ABCD2: variants seen among roughly 807,000 people sequenced by gnomAD.
ABCD2 encodes ATP binding cassette subfamily D member 2.
A neutral mutation model predicts 70.9 loss-of-function variants in ABCD2; 36 were observed. The observed-to-expected ratio is 0.51, with a 90% CI of 0.39 to 0.67. The LOEUF (loss-of-function observed/expected upper bound fraction) is 0.67. Among genes scored for constraint, ABCD2 ranks in the 30% least tolerant of loss-of-function variants. ABCD2 has a pLI of 0.00. For missense variants in ABCD2, 729 were observed against 890.2 expected (o/e 0.82, Z 2.30); for synonymous variants, 304 against 306.9 (o/e 0.99, Z 0.10).
At chr12:39,601,840 C>T in intron 5 of ABCD2, among the ~76,000 whole-genome samples, 1 of 151,994 alleles carries the variant, frequency 6.6e-6, no homozygotes, top group Non-Finnish European at 1.5e-5. Flanking sequence ...TGCCTGTGCT[C>T]TTTCACTAGA....
rs1271906271 is a variant in ABCD2 at position 39,552,183 on chromosome 12, T to G, written c.*1729A>C. On this transcript the variant is annotated 3_prime_UTR_variant, in exon 10 of 10. Coordinates refer to ENST00000308666, the MANE Select transcript of ABCD2 (RefSeq NM_005164.4). ...TATAATTTTATATTGCATTCCTTCA[T>G]GTAAGTTGGTTACATTTATTGAAAA... The G allele has an allele frequency of 6.6e-6, 1 of 151,964 alleles. No individual in the cohort carries two copies. The highest frequency in any genetic ancestry group is 1.5e-5 in the Non-Finnish European group (1 of 67,840). The allele number at this position is 151,964 out of a possible 1,614,324, so 9.4% of individuals were successfully genotyped here. A position where few individuals can be genotyped will look rare whatever the true frequency, so the allele number is the denominator to read the frequency against.
At chr12:39,561,088 T>G (rs961077971) in intron 9 of ABCD2, among the ~76,000 whole-genome samples, 1 of 152,060 alleles carries the variant, frequency 6.6e-6, no homozygotes, top group South Asian at 2.1e-4. Flanking sequence ...TGGATTAAGT[T>G]CTCCAATTAA....
At chr12:39,614,102 A>G (rs1271433435) in intron 2 of ABCD2, among the ~76,000 whole-genome samples, 1 of 152,180 alleles carries the variant, frequency 6.6e-6, no homozygotes, top group Non-Finnish European at 1.5e-5. Flanking sequence ...GCTTGTAACA[A>G]CGCTGCTATC....
intron 6 of ABCD2, among the ~76,000 whole-genome samples, chr12:39,598,436 T>C (rs942620515): frequency 1.3e-5 from 2 of 152,222 alleles, no homozygotes; most frequent in African/African-American, 2.4e-5. Context: ...GTTTTGCTCT[T>C]GTTGCCCGGG....
downstream of ABCD2, among the ~76,000 whole-genome samples, chr12:39,545,272 C>T (rs1004514566): frequency 6.6e-6 from 1 of 152,128 alleles, no homozygotes; most frequent in Admixed American, 6.5e-5. Context: ...TTAGATAGGA[C>T]TCTGTTCCAT....
chr12:39,601,004 A>T (rs1941890058), intron 5 of ABCD2, among the ~76,000 whole-genome samples: 1 of 152,164 alleles, frequency 6.6e-6, no homozygotes, highest in South Asian at 2.1e-4. Context: ...CACATAGAGA[A>T]AAACAGCTGC....
At chr12:39,593,408 A>G (rs1566569171) in intron 6 of ABCD2, among the ~76,000 whole-genome samples, 1 of 152,090 alleles carries the variant, frequency 6.6e-6, no homozygotes, top group Non-Finnish European at 1.5e-5. Flanking sequence ...AAGTACCACC[A>G]TATCCAGCTA....
the ABCD2 span, among the ~76,000 whole-genome samples, chr12:39,541,664 A>C: frequency 4.1e-4 from 62 of 152,250 alleles, no homozygotes; most frequent in Non-Finnish European, 6.5e-4. Flanking sequence ...GCTCAAGAGA[A>C]ATGTGTGCAC....
chr12:39,542,591 T>C, the ABCD2 span, among the ~76,000 whole-genome samples: 6 of 152,146 alleles, frequency 3.9e-5, no homozygotes, highest in East Asian at 1.9e-4. Context: ...ATGGTGAAGA[T>C]GGAGAGAAGA....
At chr12:39,546,078 A>T (rs768152435), downstream of ABCD2, among the ~76,000 whole-genome samples, 32 of 152,168 alleles carry the variant, frequency 2.1e-4, no homozygotes, top group Non-Finnish European at 4.0e-4. Context: ...TCTGGAGAGG[A>T]GGAAAGAAAG....
At chr12:39,607,773 T>A in intron 2 of ABCD2, 59 bp from the exon 3 acceptor site, 4 of 1,060,206 alleles carry the variant, frequency 3.8e-6, no homozygotes, top group Non-Finnish European at 5.6e-6. Flanking sequence ...TTTAGTAACT[T>A]AATGTTTTAT....
intron 2 of ABCD2, among the ~76,000 whole-genome samples, chr12:39,614,013 T>C (rs1330049784): frequency 6.6e-6 from 1 of 152,226 alleles, no homozygotes; most frequent in Non-Finnish European, 1.5e-5. Flanking sequence ...GCTACAGCAG[T>C]GATCATGTTA....
chr12:39,554,758 A>G (rs938598645), intron 9 of ABCD2, among the ~76,000 whole-genome samples: 4 of 152,174 alleles, frequency 2.6e-5, no homozygotes, highest in Admixed American at 6.5e-5. Context: ...TACTGATGAG[A>G]TAGGAGATGA....
chr12:39,616,905 T>G (rs1942122833), intron 2 of ABCD2, 83 bp downstream of exon 2: 2 of 1,282,226 alleles, frequency 1.6e-6, no homozygotes, highest in African/African-American at 3.0e-5. Context: ...TGTACACAGT[T>G]TAGCTCACAT....
At chr12:39,534,774 GAAAGAAAGAA>G in the ABCD2 span, among the ~76,000 whole-genome samples, 1 of 112,384 alleles carries the variant, frequency 8.9e-6, no homozygotes, top group African/African-American at 3.3e-5. Context: ...AAGAAAGAAA[GAAAGAAAGAA>G]AGAAAGAAAG....
At chr12:39,584,632 A>T (rs1941640918) in intron 7 of ABCD2, among the ~76,000 whole-genome samples, 1 of 152,102 alleles carries the variant, frequency 6.6e-6, no homozygotes, top group South Asian at 2.1e-4. Flanking sequence ...GTTGTCTTCC[A>T]GGGTTTTTAT....
chr12:39,563,587 G>A (rs994650744), intron 9 of ABCD2, among the ~76,000 whole-genome samples: 2 of 152,022 alleles, frequency 1.3e-5, no homozygotes, highest in Non-Finnish European at 2.9e-5. Context: ...TTAAATAAAG[G>A]AAAAAGATAA....
chr12:39,596,014 A>G (rs1462289979), intron 6 of ABCD2, among the ~76,000 whole-genome samples: 1 of 152,210 alleles, frequency 6.6e-6, no homozygotes, highest in African/African-American at 2.4e-5. Flanking sequence ...CATTTCCAGT[A>G]TGTACTGATG....
At position 39,583,353 on chromosome 12, in the gene ABCD2, T is replaced by G. The variant is rs142641861; in HGVS notation, c.1792+2799A>C. Among the ~76,000 whole-genome samples the G allele has an allele frequency of 2.0e-3, 311 of 152,332 alleles. 3 individuals carry two copies. Among genetic ancestry groups the G allele is most frequent in the African/African-American group, 6.7e-3 (280 of 41,566 alleles). On this transcript the variant is annotated intron_variant, in intron 7 of 9. Transcript: ENST00000308666. ...CCATATTCTCAATCACTGTACTACTTACTCTACTTCTAATAATGTAAGTGG... is the reference window on the plus strand; with the variant it reads ...CCATATTCTCAATCACTGTACTACTGACTCTACTTCTAATAATGTAAGTGG...
Sources: gnomAD v4.1 joint callset for allele counts (sites outside exome capture counted in the v4.1 genomes callset) on GRCh38, gnomAD v4.1.1 for gene constraint, MANE v1.5 for transcripts, NCBI Gene and HGNC (gene_info 2026-07-23, HGNC 2026-07-21) for gene names.